The following CPNE4 variants were observed in gnomAD, a reference collection of about 807,000 sequenced individuals.
CPNE4 encodes the protein copine 4.
In CPNE4, 25 loss-of-function variants were observed where a neutral mutation model predicts 67.9. That is an observed-to-expected ratio of 0.37 (90% CI 0.27 to 0.51). CPNE4 has a LOEUF of 0.51. Among genes scored for constraint, CPNE4 ranks in the 20% least tolerant of loss-of-function variants. CPNE4 has a pLI of 0.93. For synonymous variants in CPNE4, 242 were observed against 244.9 expected (o/e 0.99, Z 0.11); for missense variants, 464 against 690.8 (o/e 0.67, Z 3.68).
chr3:131,537,749 T>A (rs769302935), intron 15 of CPNE4: 65 of 159,792 alleles, frequency 4.1e-4, no homozygotes, highest in Middle Eastern at 3.0e-3. Flanking sequence ...ACTGGAGCTA[T>A]AGCAACCATT....
chr3:131,864,024 G>A (rs949049915), intron 2 of CPNE4, among the ~76,000 whole-genome samples: 3 of 151,974 alleles, frequency 2.0e-5, no homozygotes, highest in East Asian at 1.9e-4. Flanking sequence ...GTAGATATGC[G>A]GCATTATTTC....
chr3:131,938,920 T>C (rs977485191), intron 1 of CPNE4, among the ~76,000 whole-genome samples: 9 of 152,120 alleles, frequency 5.9e-5, no homozygotes, highest in African/African-American at 2.2e-4. Context: ...AGCATATTAT[T>C]AAATCCAAAC....
intron 1 of CPNE4, among the ~76,000 whole-genome samples, chr3:131,996,006 G>T (rs773457966): frequency 1.1e-4 from 17 of 152,106 alleles, no homozygotes; most frequent in Non-Finnish European, 2.4e-4. Context: ...ACTGAATTTA[G>T]AAGTGTCATT....
At chr3:131,771,832 A>T (rs1486920335) in intron 2 of CPNE4, among the ~76,000 whole-genome samples, 1 of 152,142 alleles carries the variant, frequency 6.6e-6, no homozygotes, top group East Asian at 1.9e-4. Flanking sequence ...AAATGGCTTC[A>T]TGTGCTCCTG....
intron 6 of CPNE4, among the ~76,000 whole-genome samples, chr3:131,683,058 C>T (rs957208309): frequency 6.6e-6 from 1 of 152,140 alleles, no homozygotes; most frequent in Non-Finnish European, 1.5e-5. Flanking sequence ...TACCCAAAGC[C>T]AGTCCAGAAA....
At chr3:131,846,848 TAGG>T (rs773716061) in intron 2 of CPNE4, among the ~76,000 whole-genome samples, 5,259 of 152,242 alleles carry the variant, frequency 0.035, 231 homozygotes, top group African/African-American at 0.099. Flanking sequence ...ATGTGGCTGC[TAGG>T]GCTTCCTTGC....
intron 1 of CPNE4, among the ~76,000 whole-genome samples, chr3:131,988,744 G>A (rs2073111766): frequency 6.6e-6 from 1 of 152,118 alleles, no homozygotes. Flanking sequence ...TTATTTTTTA[G>A]TTAACATAGT....
At chr3:131,952,585 C>A (rs2071790070) in intron 1 of CPNE4, among the ~76,000 whole-genome samples, 1 of 79,718 alleles carries the variant, frequency 1.3e-5, no homozygotes, top group Admixed American at 1.2e-4. Flanking sequence ...GGTCAGCACC[C>A]CGCCCGGCCA....
At chr3:132,018,153 T>C (rs1314764574) in intron 1 of CPNE4, among the ~76,000 whole-genome samples, 1 of 93,118 alleles carries the variant, frequency 1.1e-5, no homozygotes. Flanking sequence ...TGAGTGTTAA[T>C]GTATATATTT....
At chr3:131,951,979 C>T (rs932623624) in intron 1 of CPNE4, among the ~76,000 whole-genome samples, 43 of 152,148 alleles carry the variant, frequency 2.8e-4, no homozygotes, top group African/African-American at 9.9e-4. Flanking sequence ...TCTGCCCAGC[C>T]GCCACCCCGT....
rs115575383 is a variant in CPNE4 at position 131,751,677 on chromosome 3, C to T, written c.181-28052G>A. 5.7e-3 allele frequency among the ~76,000 whole-genome samples: 863 copies of T among 151,798 alleles called. 4 individuals are homozygous for T. The highest frequency in any genetic ancestry group is 0.01 in the Middle Eastern group (3 of 292). On this transcript the variant is annotated intron_variant, in intron 2 of 15. Coordinates refer to ENST00000429747, the MANE Select transcript of CPNE4 (RefSeq NM_130808.3). Reference sequence around the variant, plus strand: ...TTTTCTCATTTGGTTTGAGATAATCCTGGCTTTTGGTATGACAAGTTAAAC... The same window carrying T: ...TTTTCTCATTTGGTTTGAGATAATCTTGGCTTTTGGTATGACAAGTTAAAC...
At chr3:131,719,892 A>G (rs1432254874) in intron 3 of CPNE4, among the ~76,000 whole-genome samples, 1 of 152,246 alleles carries the variant, frequency 6.6e-6, no homozygotes, top group East Asian at 1.9e-4. Flanking sequence ...CACATGTCTT[A>G]CTGGACACAC....
chr3:131,785,217 G>T (rs747010085), intron 2 of CPNE4, among the ~76,000 whole-genome samples: 1 of 152,030 alleles, frequency 6.6e-6, no homozygotes, highest in Non-Finnish European at 1.5e-5. Flanking sequence ...AGTAAACTGA[G>T]GCTTAGGGAG....
At chr3:131,935,233 A>G (rs2071188876) in intron 1 of CPNE4, among the ~76,000 whole-genome samples, 1 of 152,134 alleles carries the variant, frequency 6.6e-6, no homozygotes, top group African/African-American at 2.4e-5. Flanking sequence ...GGCAGTTGCA[A>G]TGGATTGAGA....
intron 2 of CPNE4, among the ~76,000 whole-genome samples, chr3:131,764,626 T>A (rs2082965646): frequency 6.6e-6 from 1 of 152,120 alleles, no homozygotes; most frequent in South Asian, 2.1e-4. Flanking sequence ...AATGTGGCAG[T>A]GTAAATTAAG....
intron 7 of CPNE4, among the ~76,000 whole-genome samples, chr3:131,668,914 C>G (rs2080327904): frequency 6.6e-6 from 1 of 152,154 alleles, no homozygotes; most frequent in African/African-American, 2.4e-5. Context: ...TACTTTGGAG[C>G]TTCTTCCACC....
intron 7 of CPNE4, among the ~76,000 whole-genome samples, chr3:131,660,986 T>C (rs1260260626): frequency 1.3e-5 from 2 of 152,164 alleles, no homozygotes; most frequent in Non-Finnish European, 2.9e-5. Flanking sequence ...CCCTAAGATA[T>C]GGATGAGCCA....
intron 7 of CPNE4, among the ~76,000 whole-genome samples, chr3:131,653,225 A>G (rs1445424329): frequency 6.9e-6 from 1 of 144,026 alleles, no homozygotes; most frequent in East Asian, 2.1e-4. Flanking sequence ...GGCTCACTGC[A>G]AGCTCCGCCT....
chr3:131,769,371 A>G lies in CPNE4; in HGVS notation c.181-45746T>C, dbSNP rs1400903176. On this transcript the variant is annotated intron_variant, in intron 2 of 15. Coordinates refer to ENST00000429747, the MANE Select transcript of CPNE4 (RefSeq NM_130808.3). ...CATGGCCATCTGTAAATGAAGGTGT[A>G]TGTTTGAGTGAAGATTTAACTGTAT... 5.3e-5 allele frequency among the ~76,000 whole-genome samples: 8 copies of G among 152,290 alleles called. No individual in the cohort carries two copies. In the East Asian group the frequency reaches 1.5e-3, roughly 29 times the overall value.
Sources: allele counts gnomAD v4.1 joint callset (sites outside exome capture counted in the v4.1 genomes callset), GRCh38; gene constraint gnomAD v4.1.1; transcripts MANE v1.5; gene names NCBI Gene and HGNC (gene_info 2026-07-23, HGNC 2026-07-21).